MZT2A: variants seen among roughly 807,000 people sequenced by gnomAD.
The protein encoded by MZT2A is mitotic-spindle organizing protein 2A.
A neutral mutation model predicts 12.4 loss-of-function variants in MZT2A; 8 were observed. That is an observed-to-expected ratio of 0.64 (90% CI 0.38 to 1.16). The LOEUF (loss-of-function observed/expected upper bound fraction) is 1.16. Among genes scored for constraint, MZT2A ranks in the 50% most tolerant of loss-of-function variants. The pLI is 0.01. For missense variants in MZT2A, 181 were observed against 223.6 expected (o/e 0.81, Z 1.22); for synonymous variants, 88 against 107.5 (o/e 0.82, Z 1.12).
At chr2:131,472,788 C>T (rs144713666) in intron 2 of MZT2A, among the ~76,000 whole-genome samples, 4,296 of 152,238 alleles carry the variant, frequency 0.028, 206 homozygotes, top group African/African-American at 0.097. Flanking sequence ...TTGTCGAGAA[C>T]GTATCCCAGC....
In MZT2A at chr2:131,484,394, A is replaced by T. The variant is rs182548216; in HGVS notation, c.320-176T>A. Among the ~76,000 whole-genome samples the T allele has an allele frequency of 2.4e-3, 366 of 152,348 alleles. 3 individuals are homozygous for T. Among genetic ancestry groups the T allele is most frequent in the African/African-American group, 8.0e-3 (332 of 41,582 alleles). On this transcript the variant is annotated intron_variant, in intron 2 of 2. Coordinates refer to ENST00000309451, the MANE Select transcript of MZT2A (RefSeq NM_001085365.2). ...GACTCAGAACCACTAAAGACAGGTC[A>T]CGCCCCAGAAGCCCTTGGCAGTGTG...
chr2:131,489,949 G>A (rs1679220508), intron 2 of MZT2A: 1 of 977,736 alleles, frequency 1.0e-6, no homozygotes, highest in Non-Finnish European at 1.2e-6. Context: ...ACATCTCCTG[G>A]AGTGACAAGA....
At chr2:131,491,616 A>G (rs2313966) in intron 2 of MZT2A, 28 of 595,558 alleles carry the variant, frequency 4.7e-5, no homozygotes, top group Middle Eastern at 9.1e-4. Context: ...AGAGGTGGGG[A>G]GGAGCTAAGC....
chr2:131,491,022 G>A, intron 2 of MZT2A: 4 of 1,389,836 alleles, frequency 2.9e-6, no homozygotes, highest in Non-Finnish European at 4.0e-6. Flanking sequence ...CCCCCATGAA[G>A]GCAGCCTGCT....
intron 1 of MZT2A, 23 bp downstream of exon 1, chr2:131,492,184 C>T: frequency 6.5e-7 from 1 of 1,540,944 alleles, no homozygotes. Context: ...GGCGAGCATG[C>T]GGCCCCCACC....
At chr2:131,481,520 C>G (rs1222568411), downstream of MZT2A, among the ~76,000 whole-genome samples, 1 of 151,466 alleles carries the variant, frequency 6.6e-6, no homozygotes, top group Non-Finnish European at 1.5e-5. Context: ...ACTGCAACCT[C>G]CACCTCCCGG....
intron 2 of MZT2A, chr2:131,490,040 T>A: frequency 6.4e-6 from 6 of 932,072 alleles, no homozygotes; most frequent in Non-Finnish European, 7.7e-6. Context: ...ACACCCCTAC[T>A]CCAGGCCTGT....
chr2:131,493,701 G>A (rs1679446999), upstream of MZT2A, among the ~76,000 whole-genome samples: 3 of 152,278 alleles, frequency 2.0e-5, no homozygotes, highest in South Asian at 6.2e-4. Context: ...AAACAAACGG[G>A]TCCGAAGCAG....
intron 2 of MZT2A, among the ~76,000 whole-genome samples, chr2:131,477,356 C>T (rs1390515146): frequency 1.3e-5 from 2 of 152,152 alleles, no homozygotes; most frequent in East Asian, 3.9e-4. Context: ...AAAGAAACCA[C>T]CAAAGGACAG....
At chr2:131,484,664 C>T (rs1199343374) in intron 2 of MZT2A, among the ~76,000 whole-genome samples, 1 of 152,214 alleles carries the variant, frequency 6.6e-6, no homozygotes, top group Non-Finnish European at 1.5e-5. Context: ...TGAGCTGCCC[C>T]AGATGGTGAC....
downstream of MZT2A, chr2:131,480,257 C>T (rs771124001): frequency 6.6e-5 from 106 of 1,613,870 alleles, no homozygotes; most frequent in South Asian, 1.0e-3. Context: ...ACAACTCCAT[C>T]CTGACCACCC....
At chr2:131,471,578 C>T (rs1389439098) in intron 3 of MZT2A, among the ~76,000 whole-genome samples, 3 of 150,972 alleles carry the variant, frequency 2.0e-5, no homozygotes, top group Admixed American at 2.0e-4. Flanking sequence ...GGGAATCAGC[C>T]ACATTTTAAC....
intron 2 of MZT2A, among the ~76,000 whole-genome samples, chr2:131,472,915 C>CCCCG (rs1455498536): frequency 4.0e-5 from 6 of 151,272 alleles, no homozygotes; most frequent in African/African-American, 1.5e-4. Flanking sequence ...AATGGTGTCC[C>CCCCG]CCCCCACCAA....
intron 2 of MZT2A, chr2:131,478,478 A>C: frequency 7.4e-7 from 1 of 1,353,666 alleles, no homozygotes; most frequent in Non-Finnish European, 1.0e-6. Flanking sequence ...CCTCCTGCTG[A>C]AAGGATGGGA....
intron 2 of MZT2A, chr2:131,490,795 G>C: frequency 6.5e-7 from 1 of 1,550,014 alleles, no homozygotes; most frequent in Non-Finnish European, 8.7e-7. Flanking sequence ...TGGCAGCTGG[G>C]CTGTGGAGCA....
At chr2:131,488,458 C>T (rs936821097) in intron 2 of MZT2A, among the ~76,000 whole-genome samples, 4 of 152,124 alleles carry the variant, frequency 2.6e-5, no homozygotes, top group East Asian at 1.9e-4. Context: ...GAGGCAAGCT[C>T]GAGAGGGCCT....
chr2:131,490,853 G>A (rs1559362487), intron 2 of MZT2A: 5 of 1,549,938 alleles, frequency 3.2e-6, no homozygotes, highest in Non-Finnish European at 4.4e-6. Flanking sequence ...CGAGGGCCTT[G>A]CAGGGGGGCT....
intron 2 of MZT2A, chr2:131,491,530 G>A: frequency 2.2e-6 from 1 of 452,502 alleles, no homozygotes; most frequent in Admixed American, 3.8e-5. Context: ...GGGTCCCAAA[G>A]ATTATAGGCG....
chr2:131,481,514 CA>C (rs1238663931), downstream of MZT2A, among the ~76,000 whole-genome samples: 1 of 151,136 alleles, frequency 6.6e-6, no homozygotes, highest in Non-Finnish European at 1.5e-5. Context: ...TGACTCACTG[CA>C]ACCTCCACCT....
Sources: allele counts gnomAD v4.1 joint callset (sites outside exome capture counted in the v4.1 genomes callset), GRCh38; gene constraint gnomAD v4.1.1; transcripts MANE v1.5; gene names NCBI Gene and HGNC (gene_info 2026-07-23, HGNC 2026-07-21).